Variants in PHKA2 observed in about 807,000 individuals in gnomAD.
The protein encoded by PHKA2 is phosphorylase kinase regulatory subunit alpha 2.
A neutral mutation model predicts 102.0 loss-of-function variants in PHKA2; 31 were observed. That is an observed-to-expected ratio of 0.30 (90% CI 0.23 to 0.41). The LOEUF is 0.41. Among genes scored for constraint, PHKA2 ranks in the 10% least tolerant of loss-of-function variants. The pLI, the probability that PHKA2 is intolerant of heterozygous loss-of-function variation, is 1.00. For synonymous variants in PHKA2, 455 were observed against 416.2 expected (o/e 1.09, Z -1.13); for missense variants, 858 against 1,023.1 (o/e 0.84, Z 2.20).
At chrX:18,947,953 G>A (rs1431282950) in intron 5 of PHKA2, among the ~76,000 whole-genome samples, 3 of 111,569 alleles carry the variant, frequency 2.7e-5, no homozygotes, top group Non-Finnish European at 3.8e-5. Context: ...TAAGCTATGA[G>A]GATGCAAAGG....
Position 18,948,797 on chromosome X carries a change from C to T in PHKA2, c.484G>A (p.Val162Met), listed in dbSNP as rs200454257. The change falls in exon 5 of 33, where the codon GTG (valine) becomes ATG (methionine). Residue 162 changes from valine to methionine, a missense_variant. By Grantham distance (21) the Val-to-Met change is conservative (BLOSUM62 1). This residue lies in a region of PHKA2 where 187 missense variants were observed against 277.9 expected (regional missense o/e 0.67). Transcript: ENST00000379942. ...GLRIIFTLDE[V>M]AFIQNLVFYI... ...AAGACAAGATTCTGTATGAAGGCCA[C>T]CTCATCGAGAGTGAAAATGATACGT... 10 of 1,196,077 alleles carry T rather than the reference C, an allele frequency of 8.4e-6. No homozygotes were observed. The highest frequency in any genetic ancestry group is 1.1e-5 in the Non-Finnish European group (10 of 882,314).
chrX:18,915,533 G>A (rs1473283612), intron 19 of PHKA2: 1 of 105,114 alleles, frequency 9.5e-6, no homozygotes, highest in Non-Finnish European at 2.0e-5. Context: ...CACCACGCCT[G>A]GCTAATCTTT....
Position 18,906,618 on chromosome X carries a change from C to G in PHKA2, c.2683G>C (p.Val895Leu), listed in dbSNP as rs2047817539. Residue 895 changes from valine to leucine, a missense_variant, in exon 25 of 33, where the codon GTG (valine) becomes CTG (leucine). Transcript: ENST00000379942. The stretch of plus-strand genomic sequence containing the variant: ...CTGACATACATGGCCAGGTAAACCA[C>G]AATCTCCTGAGGCAGACACACACGG... The part of the protein sequence containing the change: ...ISIAVLTQEI[V>L]VYLAMYVRAQ... 1 of 1,201,905 alleles carries G rather than the reference C, an allele frequency of 8.3e-7. No individual in the cohort carries two copies. The highest frequency in any genetic ancestry group is 1.8e-5 in the South Asian group (1 of 56,817).
Position 18,905,748 on chromosome X carries a change from T to C in PHKA2, c.2908+10A>G. 8.7e-7 allele frequency: 1 copy of C among 1,145,280 alleles called. No homozygotes were observed. Among genetic ancestry groups the C allele is most frequent in the Non-Finnish European group, 1.2e-6 (1 of 834,656 alleles). The allele number at this position is 1,145,280 out of a possible 1,213,427, so 94.4% of individuals were successfully genotyped here. A position where few individuals can be genotyped will look rare whatever the true frequency, so the allele number is the denominator to read the frequency against. On this transcript the variant is annotated intron_variant, in intron 26 of 32. Coordinates refer to ENST00000379942, the MANE Select transcript of PHKA2 (RefSeq NM_000292.3). ...CTCCCTGAAGACGTTAACAGGAGCATGGAACTTACCACTTCTTTCAACGCC... is the reference window on the plus strand; with the variant it reads ...CTCCCTGAAGACGTTAACAGGAGCACGGAACTTACCACTTCTTTCAACGCC...
At chrX:18,943,488 C>G (rs2048527838) in intron 7 of PHKA2, among the ~76,000 whole-genome samples, 1 of 112,552 alleles carries the variant, frequency 8.9e-6, no homozygotes, top group Non-Finnish European at 1.9e-5. Flanking sequence ...GTGTCTTATA[C>G]TTTTCTGGCT....
chrX:18,938,810 G>A lies in PHKA2; in HGVS notation c.919-61C>T. On this transcript the variant is annotated intron_variant, in intron 9 of 32. Transcript: ENST00000379942. ...GTCAGAATACATACATAATACCATTGTGCCTCATGGGGTTTCCCATGCTTG... is the reference window on the plus strand; with the variant it reads ...GTCAGAATACATACATAATACCATTATGCCTCATGGGGTTTCCCATGCTTG... 8 of 1,052,304 alleles carry A rather than the reference G, an allele frequency of 7.6e-6. No homozygotes were observed. In the Admixed American group the frequency reaches 1.3e-4, roughly 17 times the overall value. The allele number at this position is 1,052,304 out of a possible 1,213,427, so 86.7% of individuals were successfully genotyped here. A position where few individuals can be genotyped will look rare whatever the true frequency, so the allele number is the denominator to read the frequency against.
chrX:18,965,830 C>T (rs1200684150), intron 1 of PHKA2, among the ~76,000 whole-genome samples: 1 of 111,479 alleles, frequency 9.0e-6, no homozygotes, highest in Non-Finnish European at 1.9e-5. Flanking sequence ...CAGTGATATT[C>T]AAATATAAGC....
chrX:18,978,729 A>T (rs1048382955), intron 1 of PHKA2, among the ~76,000 whole-genome samples: 5 of 111,667 alleles, frequency 4.5e-5, no homozygotes, highest in Non-Finnish European at 9.4e-5. Flanking sequence ...AAATTAAAAT[A>T]AAAATAAAGT....
intron 7 of PHKA2, among the ~76,000 whole-genome samples, chrX:18,942,457 C>T (rs1442377055): frequency 9.0e-6 from 1 of 111,632 alleles, no homozygotes; most frequent in Non-Finnish European, 1.9e-5. Flanking sequence ...CCTGAGACTT[C>T]GAGCAGCTAG....
chrX:18,960,030 T>C (rs746822190), intron 1 of PHKA2, among the ~76,000 whole-genome samples: 1 of 111,603 alleles, frequency 9.0e-6, no homozygotes, highest in East Asian at 2.8e-4. Context: ...TTCACCTCTC[T>C]TACCTTCTCC....
At chrX:18,939,015 C>T (rs2048443753) in intron 9 of PHKA2, among the ~76,000 whole-genome samples, 1 of 112,189 alleles carries the variant, frequency 8.9e-6, no homozygotes, top group Non-Finnish European at 1.9e-5. Flanking sequence ...AATATGTCTA[C>T]CACCAAGTTT....
chrX:18,968,942 C>G (rs1470883581), intron 1 of PHKA2, among the ~76,000 whole-genome samples: 1 of 110,976 alleles, frequency 9.0e-6, no homozygotes, highest in Non-Finnish European at 1.9e-5. Context: ...ATGGTAAAAC[C>G]CTGTCTCTAC....
At chrX:18,903,049 GTTT>G (rs980324918) in intron 26 of PHKA2, 1 of 112,245 alleles carries the variant, frequency 8.9e-6, no homozygotes, top group African/African-American at 3.2e-5. Context: ...GATTCTTCCA[GTTT>G]TTTTCCCTAT....
At chrX:18,983,290 C>A (rs1474051524) in intron 1 of PHKA2, among the ~76,000 whole-genome samples, 2 of 112,713 alleles carry the variant, frequency 1.8e-5, no homozygotes, top group Non-Finnish European at 3.7e-5. Flanking sequence ...TGTCATAGGA[C>A]CCTGTGAGCT....
In PHKA2 at chrX:18,970,290, T is replaced by A. The variant is rs112847655; in HGVS notation, c.78+13565A>T. 5.4e-3 allele frequency among the ~76,000 whole-genome samples: 610 copies of A among 112,560 alleles called. 2 individuals carry two copies. The highest frequency in any genetic ancestry group is 0.019 in the African/African-American group (581 of 31,005). On this transcript the variant is annotated intron_variant, in intron 1 of 32. Coordinates refer to ENST00000379942, the MANE Select transcript of PHKA2 (RefSeq NM_000292.3). Reference sequence around the variant, plus strand: ...AACATGTTTTGAAATGTGTGCATTGTGGCATGGCTAAATTGAACTAATTAA... The same window carrying A: ...AACATGTTTTGAAATGTGTGCATTGAGGCATGGCTAAATTGAACTAATTAA...
chrX:18,930,261 C>G lies in PHKA2; in HGVS notation c.1246-955G>C, dbSNP rs143701729. On this transcript the variant is annotated intron_variant, in intron 12 of 32. Coordinates refer to ENST00000379942, the MANE Select transcript of PHKA2 (RefSeq NM_000292.3). Reference sequence around the variant, plus strand: ...CTTGGCCCCCACGCTACCACCATCACCACTGTACAGGTGGGGAAACCAAGA... The same window carrying G: ...CTTGGCCCCCACGCTACCACCATCAGCACTGTACAGGTGGGGAAACCAAGA... Among the ~76,000 whole-genome samples the G allele has an allele frequency of 1.7e-3, 187 of 111,916 alleles. 1 individual carries two copies. The highest frequency in any genetic ancestry group is 8.8e-4 in the Non-Finnish European group (47 of 53,148).
chrX:18,941,208 T>C (rs1456004065), intron 8 of PHKA2, among the ~76,000 whole-genome samples: 1 of 111,625 alleles, frequency 9.0e-6, no homozygotes, highest in African/African-American at 3.3e-5. Flanking sequence ...TTGGGACATA[T>C]GCATTTTTTT....
At chrX:18,983,785 G>T in intron 1 of PHKA2, 70 bp downstream of exon 1, 1 of 928,098 alleles carries the variant, frequency 1.1e-6, no homozygotes, top group Non-Finnish European at 1.6e-6. Context: ...AAGAGGGCCA[G>T]ACCTGGGAAG....
intron 1 of PHKA2, among the ~76,000 whole-genome samples, chrX:18,971,441 G>A (rs16980948): frequency 0.025 from 2,837 of 112,156 alleles, 41 homozygotes; most frequent in African/African-American, 0.064. Flanking sequence ...GAATCACCTT[G>A]AAGAGATACA....
Sources: allele counts gnomAD v4.1 joint callset (sites outside exome capture counted in the v4.1 genomes callset), GRCh38; gene constraint gnomAD v4.1.1; regional missense constraint gnomAD v4.1.1; transcripts MANE v1.5; gene names NCBI Gene and HGNC (gene_info 2026-07-23, HGNC 2026-07-21).